The following NELFCD variants were observed in gnomAD, a reference collection of about 807,000 sequenced individuals.
NELFCD encodes negative elongation factor complex member C/D, also known as negative elongation factor C/D.
A neutral mutation model predicts 72.9 loss-of-function variants in NELFCD; 48 were observed. The ratio of observed to expected loss-of-function variants is 0.66; its 90% CI spans 0.52 to 0.84. The LOEUF is 0.84. NELFCD is among the 40% of genes least tolerant of loss of function. The pLI is 0.00. For missense variants in NELFCD, 538 were observed against 723.8 expected (o/e 0.74, Z 2.94); for synonymous variants, 297 against 280.6 (o/e 1.06, Z -0.59).
Position 58,993,686 on chromosome 20 carries a change from TC to T in NELFCD, c.1505del (p.Pro502LeufsTer65). The part of the protein sequence containing the change: ...VHLLSRGYVL[P>X]VVSYIRKCLE... ...ACCTGCTGAGTCGAGGTTATGTACT[TC>T]CTGTTGTCAGTTACATCCGAAAGTG... On this transcript the variant is annotated frameshift_variant, in exon 13 of 15. Coordinates refer to ENST00000652272, the MANE Select transcript of NELFCD (RefSeq NM_198976.4). LOFTEE classifies it high-confidence loss of function. This position sits in a 1 kb window ranked among gnomAD's most constrained non-coding sequence, Gnocchi z 5.0. The T allele has an allele frequency of 6.2e-7, 1 of 1,614,200 alleles. No individual in the cohort carries two copies. Among genetic ancestry groups the T allele is most frequent in the Non-Finnish European group, 8.5e-7 (1 of 1,180,034 alleles).
At chr20:58,994,534 C>G in intron 14 of NELFCD, 108 bp from the exon 15 acceptor site, 1 of 955,958 alleles carries the variant, frequency 1.0e-6, no homozygotes, top group South Asian at 1.5e-5. Flanking sequence ...TGCACTCTAT[C>G]CTGGGCAACA....
rs1488068745 is a variant in NELFCD at position 58,992,997 on chromosome 20, G to A, written c.1230-1G>A. The A allele has an allele frequency of 6.2e-7, 1 of 1,608,812 alleles. No homozygotes were observed. The highest frequency in any genetic ancestry group is 1.3e-5 in the African/African-American group (1 of 74,756). On this transcript the variant is annotated splice_acceptor_variant, in intron 10 of 14. Transcript: ENST00000652272. LOFTEE classifies it high-confidence loss of function. ...AAGGAAGCATTCTGCCTTAACTGTA[G>A]GTTTCCAGTGGTAGCAATGGGTGTG...
At chr20:58,985,209 C>T (rs187750507) in intron 1 of NELFCD, among the ~76,000 whole-genome samples, 5 of 152,268 alleles carry the variant, frequency 3.3e-5, no homozygotes, top group Admixed American at 2.0e-4. Flanking sequence ...GGGCTGGATT[C>T]GGCTCTGGGT....
intron 5 of NELFCD, 118 bp from the exon 6 acceptor site, chr20:58,989,370 C>A: frequency 8.1e-7 from 1 of 1,238,756 alleles, no homozygotes; most frequent in Non-Finnish European, 1.2e-6. Flanking sequence ...GAGTGAAGGC[C>A]TGAGACCCAC....
intron 4 of NELFCD, 33 bp from the exon 5 acceptor site, chr20:58,988,881 C>T (rs1260603473): frequency 9.9e-6 from 15 of 1,507,806 alleles, no homozygotes; most frequent in Middle Eastern, 1.7e-4. Flanking sequence ...GTGGGGCCTC[C>T]TCCTATCTTG....
At position 58,981,377 on chromosome 20, in the gene NELFCD, G is replaced by T; in HGVS notation, c.60+8G>T. On this transcript the variant is annotated splice_region_variant and intron_variant, in intron 1 of 14. Coordinates refer to ENST00000652272, the MANE Select transcript of NELFCD (RefSeq NM_198976.4). ...GAGGCTGACGGCGGCCAGGTGAGGC[G>T]GGGCACTGGGCGCACCCTAGAGAGA... 3 of 1,076,674 alleles carry T rather than the reference G, an allele frequency of 2.8e-6. No individual in the cohort carries two copies. Among genetic ancestry groups the T allele is most frequent in the Non-Finnish European group, 3.4e-6 (3 of 881,908 alleles). The allele number at this position is 1,076,674 out of a possible 1,614,324, so 66.7% of individuals were successfully genotyped here. A position where few individuals can be genotyped will look rare whatever the true frequency, so the allele number is the denominator to read the frequency against.
In NELFCD at chr20:58,989,844, C is replaced by G. The variant is rs766633113; in HGVS notation, c.658-14C>G. 15 of 1,614,040 alleles carry G rather than the reference C, an allele frequency of 9.3e-6. No individual in the cohort carries two copies. The African/African-American group carries it at 2.0e-4, about 22-fold the overall frequency. ...GTAGTAAACCCTGCCCCCTCTCTCC[C>G]TGCAATCTTGCAGAAGATGGTGTGC... On this transcript the variant is annotated splice_polypyrimidine_tract_variant and intron_variant, in intron 6 of 14. Coordinates refer to ENST00000652272, the MANE Select transcript of NELFCD (RefSeq NM_198976.4).
chr20:58,984,392 G>A (rs2091757865), intron 1 of NELFCD, among the ~76,000 whole-genome samples: 2 of 152,142 alleles, frequency 1.3e-5, no homozygotes, highest in African/African-American at 4.8e-5. Flanking sequence ...ATAAGACTGA[G>A]ACTTCAGGGG....
Position 58,989,491 on chromosome 20 carries a change from A to G in NELFCD, c.508A>G (p.Ile170Val), listed in dbSNP as rs1243881396. 1.9e-6 allele frequency: 3 copies of G among 1,613,798 alleles called. No individual in the cohort carries two copies. The highest frequency in any genetic ancestry group is 1.1e-5 in the South Asian group (1 of 91,078). ...GACTTCTTGTTTTGTGTCCTAGCTT[A>G]TTTCTGACGCAGGGTACCAGGGGGA... is the stretch of plus-strand genomic sequence containing the variant. ...CLMLNFTVKL[I>V]SDAGYQGEIT... Residue 170 changes from isoleucine (I) to valine (V), a missense_variant, in exon 6 of 15, where the codon ATT (isoleucine) becomes GTT (valine). Transcript: ENST00000652272.
chr20:58,985,644 TC>T (rs1359774232), intron 1 of NELFCD, among the ~76,000 whole-genome samples: 2 of 152,222 alleles, frequency 1.3e-5, no homozygotes, highest in Non-Finnish European at 2.9e-5. Context: ...TTGTTACTCT[TC>T]AGTGGCATGT....
chr20:58,993,153 G>A lies in NELFCD; in HGVS notation c.1344+41G>A. ...GCTGTTCACAGCCTACACAGTGTCT[G>A]TCTCATGCTGTTTACGTTGGCATTA... On this transcript the variant is annotated intron_variant, in intron 11 of 14. Transcript: ENST00000652272. The surrounding 1 kb of genome is among the most constrained non-coding windows in gnomAD (Gnocchi z 5.0). The A allele has an allele frequency of 1.4e-6, 2 of 1,413,798 alleles. No homozygotes were observed. The highest frequency in any genetic ancestry group is 2.3e-5 in the South Asian group (2 of 86,912). The allele number at this position is 1,413,798 out of a possible 1,614,324, so 87.6% of individuals were successfully genotyped here.
chr20:58,989,204 T>G (rs1050280405), intron 5 of NELFCD, 183 bp downstream of exon 5: 1 of 626,004 alleles, frequency 1.6e-6, no homozygotes, highest in East Asian at 2.7e-5. Context: ...GGGTCAGTGT[T>G]GACTGTGTTT....
Position 58,994,112 on chromosome 20 carries a change from G to T in NELFCD, c.1584G>T (p.Val528=). The T allele has an allele frequency of 6.2e-7, 1 of 1,614,140 alleles. No individual in the cohort carries two copies. Among genetic ancestry groups the T allele is most frequent in the Non-Finnish European group, 8.5e-7 (1 of 1,179,992 alleles). ...TCACCCTGTGCTCCCCCACGCAGGTGCTGGACGTCATTGCTCCTCCTTATA... is the reference window on the plus strand; with the variant it reads ...TCACCCTGTGCTCCCCCACGCAGGTTCTGGACGTCATTGCTCCTCCTTATA... ...ISLIRYFVTE[V]LDVIAPPYTS... The change falls in exon 14 of 15, where the codon GTG becomes GTT. Residue 528 remains valine (V), a splice_region_variant and synonymous_variant. Transcript: ENST00000652272.
At chr20:58,991,195 G>A in intron 8 of NELFCD, 117 bp from the exon 9 acceptor site, 1 of 1,557,500 alleles carries the variant, frequency 6.4e-7, no homozygotes, top group Non-Finnish European at 8.8e-7. Flanking sequence ...TCCTTCCTCA[G>A]TCACACTCTC....
At position 58,993,650 on chromosome 20, in the gene NELFCD, C is replaced by T; in HGVS notation, c.1467C>T (p.Asp489=). 1 of 1,614,216 alleles carries T rather than the reference C, an allele frequency of 6.2e-7. No individual in the cohort carries two copies. The highest frequency in any genetic ancestry group is 8.5e-7 in the Non-Finnish European group (1 of 1,180,044). ...EQLELKKTLL[D]RMVHLLSRGY... ...TTGAGTTGAAGAAGACACTGCTGGA[C>T]AGGATGGTTCACCTGCTGAGTCGAG... is the stretch of plus-strand genomic sequence containing the variant. The change falls in exon 13 of 15, where the codon GAC becomes GAT. Residue 489 remains aspartate (D), a synonymous_variant. Coordinates refer to ENST00000652272, the MANE Select transcript of NELFCD (RefSeq NM_198976.4). The surrounding 1 kb of genome is among the most constrained non-coding windows in gnomAD (Gnocchi z 5.0).
In NELFCD at chr20:58,981,361, G is replaced by A; in HGVS notation, c.52G>A (p.Gly18Ser). 4 of 1,108,556 alleles carry A rather than the reference G, an allele frequency of 3.6e-6. No homozygotes were observed. The highest frequency in any genetic ancestry group is 4.4e-6 in the Non-Finnish European group (4 of 904,954). The allele number at this position is 1,108,556 out of a possible 1,614,324, so 68.7% of individuals were successfully genotyped here. ...GGCCGAGTGGGGCGACGAGGCTGAC[G>A]GCGGCCAGGTGAGGCGGGGCACTGG... is the stretch of plus-strand genomic sequence containing the variant. ...SAAEWGDEADGGQQEDDSGEG... is the reference protein window; with the variant it reads ...SAAEWGDEADSGQQEDDSGEG... The change falls in exon 1 of 15, where the codon GGC becomes AGC. Residue 18 changes from glycine (G) to serine (S), a missense_variant. This residue lies in a region of NELFCD where 47 missense variants were observed against 35.3 expected (regional missense o/e 1.33). Transcript: ENST00000652272.
In NELFCD at chr20:58,991,342, A is replaced by G. The variant is rs1282681173; in HGVS notation, c.985A>G (p.Met329Val). The G allele has an allele frequency of 6.2e-7, 1 of 1,614,194 alleles. No individual in the cohort carries two copies. ...CGTTCCAGCCTTCCTGGACCTGTTCATGCAGTCACTCTTTAAACCAGGGGC... is the reference window on the plus strand; with the variant it reads ...CGTTCCAGCCTTCCTGGACCTGTTCGTGCAGTCACTCTTTAAACCAGGGGC... ...IRVPAFLDLF[M>V]QSLFKPGARI... The change falls in exon 9 of 15, where the codon ATG becomes GTG. Residue 329 changes from methionine to valine, a missense_variant. This residue lies in a region of NELFCD where 355 missense variants were observed against 534.5 expected (regional missense o/e 0.66). Coordinates refer to ENST00000652272, the MANE Select transcript of NELFCD (RefSeq NM_198976.4).
At chr20:58,990,099 A>C (rs2091804631) in intron 7 of NELFCD, 111 bp downstream of exon 7, 1 of 1,442,272 alleles carries the variant, frequency 6.9e-7, no homozygotes, top group Non-Finnish European at 9.3e-7. Context: ...TTCAACGTAG[A>C]GGTAAACTTG....
Position 58,994,933 on chromosome 20 carries a change from C to T in NELFCD, c.*257C>T. ...GTGTTCATTTCCCTCAAGGCAGGCG[C>T]TGGGCTCCCACGACCCCTCAGGACA... On this transcript the variant is annotated 3_prime_UTR_variant, in exon 15 of 15. Coordinates refer to ENST00000652272, the MANE Select transcript of NELFCD (RefSeq NM_198976.4). The T allele has an allele frequency of 2.0e-6, 1 of 498,690 alleles. No homozygotes were observed. Among genetic ancestry groups the T allele is most frequent in the Non-Finnish European group, 3.5e-6 (1 of 281,838 alleles). The allele number at this position is 498,690 out of a possible 1,614,324, so 30.9% of individuals were successfully genotyped here. A position where few individuals can be genotyped will look rare whatever the true frequency, so the allele number is the denominator to read the frequency against.
Sources: gnomAD v4.1 joint callset for allele counts (sites outside exome capture counted in the v4.1 genomes callset) on GRCh38, gnomAD v4.1.1 for gene constraint, gnomAD v4.1.1 regional missense constraint, Gnocchi (gnomAD v3.1) non-coding constraint, MANE v1.5 for transcripts, NCBI Gene and HGNC (gene_info 2026-07-23, HGNC 2026-07-21) for gene names.